Variants in CTBP1 observed in about 807,000 individuals in gnomAD.
CTBP1 encodes the protein C-terminal-binding protein 1.
CTBP1 carries 11 observed loss-of-function variants against 42.1 expected under a neutral mutation model. That is an observed-to-expected ratio of 0.26 (90% CI 0.16 to 0.43). The LOEUF (loss-of-function observed/expected upper bound fraction) is 0.43, where lower values mean the gene tolerates loss of function less well. Among genes scored for constraint, CTBP1 ranks in the 20% least tolerant of loss-of-function variants. CTBP1 has a pLI of 1.00. For missense variants in CTBP1, 399 were observed against 624.3 expected, an observed-to-expected ratio of 0.64 and a Z score of 3.85; for synonymous variants, 324 against 277.1, an observed-to-expected ratio of 1.17 and a Z score of -1.68.
intron 4 of CTBP1, among the ~76,000 whole-genome samples, chr4:1,227,161 T>C (rs1730439939): frequency 6.6e-6 from 1 of 152,154 alleles, no homozygotes. Flanking sequence ...ATGTTCCATG[T>C]GCGTGTAGGT....
intron 4 of CTBP1, among the ~76,000 whole-genome samples, chr4:1,226,191 G>A (rs1275198133): frequency 1.3e-5 from 2 of 152,086 alleles, no homozygotes; most frequent in Non-Finnish European, 2.9e-5. Flanking sequence ...TCCCGGCCTT[G>A]TCCCCAGAGA....
chr4:1,232,635 G>C (rs181604944), intron 3 of CTBP1, among the ~76,000 whole-genome samples: 1 of 152,270 alleles, frequency 6.6e-6, no homozygotes, highest in Admixed American at 6.5e-5. Flanking sequence ...ACTTCTAATT[G>C]CCATTTAATT....
intron 5 of CTBP1, among the ~76,000 whole-genome samples, chr4:1,224,313 T>C (rs1730081528): frequency 6.6e-6 from 1 of 152,038 alleles, no homozygotes; most frequent in Non-Finnish European, 1.5e-5. Context: ...GGCCCATGTG[T>C]GTGCTGCGAT....
chr4:1,237,919 G>A (rs554744034), intron 3 of CTBP1: 27 of 534,084 alleles, frequency 5.1e-5, no homozygotes, highest in South Asian at 2.0e-4. Context: ...CAGGACAAAC[G>A]TGGTGTCCAC....
In CTBP1 at chr4:1,216,027, G is replaced by A; in HGVS notation, c.693C>T (p.His231=). The A allele has an allele frequency of 6.2e-7, 1 of 1,611,550 alleles. No homozygotes were observed. The highest frequency in any genetic ancestry group is 8.5e-7 in the Non-Finnish European group (1 of 1,179,824). The change falls in exon 6 of 10, where the codon CAC becomes CAT. Residue 231 remains histidine (H), a synonymous_variant. Transcript: ENST00000382952. ...CVTLHCGLNE[H]NHHLINDFTV... Reference sequence around the variant, plus strand: ...TGAAGTCGTTGATGAGGTGGTGGTTGTGCTCGTTGAGGCCGCAGTGCAGGG... The same window carrying A: ...TGAAGTCGTTGATGAGGTGGTGGTTATGCTCGTTGAGGCCGCAGTGCAGGG...
chr4:1,248,950 G>A lies in CTBP1; in HGVS notation c.-223C>T, dbSNP rs770010536. On this transcript the variant is annotated 5_prime_UTR_variant, in exon 1 of 10. Transcript: ENST00000382952. ...GGCCCTTGTTGAGCAAGTGCGAGCTGCCCATCGAGAGGCGCGAGCGGCCGC... is the reference window on the plus strand; with the variant it reads ...GGCCCTTGTTGAGCAAGTGCGAGCTACCCATCGAGAGGCGCGAGCGGCCGC... 3.0e-6 allele frequency: 3 copies of A among 1,007,840 alleles called. No individual in the cohort carries two copies. Among genetic ancestry groups the A allele is most frequent in the South Asian group, 6.4e-5 (2 of 31,152 alleles). 62.4% of individuals were successfully genotyped at this position (1,007,840 alleles called of 1,614,324 possible).
At chr4:1,239,994 A>G (rs1388763292) in intron 2 of CTBP1, among the ~76,000 whole-genome samples, 1 of 152,200 alleles carries the variant, frequency 6.6e-6, no homozygotes, top group Non-Finnish European at 1.5e-5. Context: ...TCATGAGCAG[A>G]AAGGTTTATG....
At chr4:1,241,150 C>T (rs1732136098) in intron 2 of CTBP1, among the ~76,000 whole-genome samples, 175 bp downstream of exon 2, 1 of 152,198 alleles carries the variant, frequency 6.6e-6, no homozygotes. Flanking sequence ...GAAGCCCTCC[C>T]TCGAGGGGCA....
chr4:1,245,554 G>A lies in CTBP1; in HGVS notation c.-189+3362C>T, dbSNP rs538862629. The A allele has an allele frequency of 8.2e-5, 81 of 981,820 alleles. No homozygotes were observed. In the South Asian group the frequency reaches 1.3e-3, roughly 16 times the overall value. The allele number at this position is 981,820 out of a possible 1,614,324, so 60.8% of individuals were successfully genotyped here. A position where few individuals can be genotyped will look rare whatever the true frequency, so the allele number is the denominator to read the frequency against. ...CACCACAGACGGGCGGCAGGTCAGG[G>A]TGGCACAGGAGGGCACGGTGACACG... On this transcript the variant is annotated intron_variant, in intron 1 of 9. Coordinates refer to ENST00000382952, the MANE Select transcript of CTBP1 (RefSeq NM_001012614.2).
intron 5 of CTBP1, among the ~76,000 whole-genome samples, chr4:1,219,266 C>A (rs1207002315): frequency 6.6e-6 from 1 of 152,202 alleles, no homozygotes; most frequent in African/African-American, 2.4e-5. Flanking sequence ...GCAAGAGGAT[C>A]TCTTGAGCCC....
At chr4:1,243,423 G>C (rs1577078980) in intron 1 of CTBP1, 30 of 985,366 alleles carry the variant, frequency 3.0e-5, no homozygotes, top group Non-Finnish European at 3.5e-5. Flanking sequence ...CATGCCACAG[G>C]GACTTCCTGT....
rs558366129 is a variant in CTBP1, at chr4:1,243,589, C to T, written c.-188-2070G>A. The T allele has an allele frequency of 1.3e-5, 13 of 985,440 alleles. No homozygotes were observed. The East Asian group carries it at 1.0e-3, about 77-fold the overall frequency. 61.0% of individuals were successfully genotyped at this position (985,440 alleles called of 1,614,324 possible). ...CCACTGTGCACCCACAAAGCGCCCC[C>T]TGCCGGGCCACACCTGCCCCACTGA... is the stretch of plus-strand genomic sequence containing the variant. On this transcript the variant is annotated intron_variant, in intron 1 of 9. Coordinates refer to ENST00000382952, the MANE Select transcript of CTBP1 (RefSeq NM_001012614.2).
rs1365379735 is a variant in CTBP1 at position 1,249,033 on chromosome 4, C to T, written c.-306G>A. ...GCGAGCCCGGCGCGTGGGGCGGCCT[C>T]GGCGCCGTCCGCTGCTCCGCCCGCC... On this transcript the variant is annotated 5_prime_UTR_variant, in exon 1 of 10. Transcript: ENST00000382952. 1.9e-5 allele frequency: 13 copies of T among 670,762 alleles called. No individual in the cohort carries two copies. Among genetic ancestry groups the T allele is most frequent in the Non-Finnish European group, 2.2e-5 (12 of 545,846 alleles). The allele number at this position is 670,762 out of a possible 1,614,324, so 41.6% of individuals were successfully genotyped here. A position where few individuals can be genotyped will look rare whatever the true frequency, so the allele number is the denominator to read the frequency against.
rs1030907886 is a variant in CTBP1, at chr4:1,243,074, G to A, written c.-188-1555C>T. On this transcript the variant is annotated intron_variant, in intron 1 of 9. Coordinates refer to ENST00000382952, the MANE Select transcript of CTBP1 (RefSeq NM_001012614.2). ...TACCGGCTGATACTCATTGATACCA[G>A]TCAATACTCATCAATGCTACCCACG... The A allele has an allele frequency of 1.9e-5, 19 of 985,410 alleles. No homozygotes were observed. In the African/African-American group the frequency reaches 3.0e-4, roughly 15 times the overall value. The allele number at this position is 985,410 out of a possible 1,614,324, so 61.0% of individuals were successfully genotyped here. A position where few individuals can be genotyped will look rare whatever the true frequency, so the allele number is the denominator to read the frequency against.
At chr4:1,213,894 C>CA in intron 7 of CTBP1, 1 of 454,398 alleles carries the variant, frequency 2.2e-6, no homozygotes, top group Non-Finnish European at 3.9e-6. Flanking sequence ...CCCTTCCAGC[C>CA]AAAGGGTCTG....
At chr4:1,245,785 C>T (rs1020698780) in intron 1 of CTBP1, among the ~76,000 whole-genome samples, 1 of 152,076 alleles carries the variant, frequency 6.6e-6, no homozygotes, top group African/African-American at 2.4e-5. Flanking sequence ...CCACACCAGG[C>T]CTGGAGAGTT....
intron 3 of CTBP1, chr4:1,237,430 C>A: frequency 4.5e-6 from 3 of 662,150 alleles, no homozygotes; most frequent in Non-Finnish European, 8.3e-6. Context: ...AGGACAAACC[C>A]CGTGTCCACC....
chr4:1,249,532 G>A (rs1043692581), upstream of CTBP1: 1 of 167,552 alleles, frequency 6.0e-6, no homozygotes. Context: ...CGCTCCGCCA[G>A]CTGCCGCCCT....
At chr4:1,236,408 A>T (rs1468757451) in intron 3 of CTBP1, 1 of 549,970 alleles carries the variant, frequency 1.8e-6, no homozygotes, top group Non-Finnish European at 3.3e-6. Context: ...GCCCGTGTGA[A>T]GACCGCCGCG....
Sources: gnomAD v4.1 joint callset for allele counts (sites outside exome capture counted in the v4.1 genomes callset) on GRCh38, gnomAD v4.1.1 for gene constraint, MANE v1.5 for transcripts, NCBI Gene and HGNC (gene_info 2026-07-23, HGNC 2026-07-21) for gene names.